SLC22A3: variants seen among roughly 807,000 people sequenced by gnomAD.
SLC22A3 encodes EMT organic cation transporter 3.
A neutral mutation model predicts 59.1 loss-of-function variants in SLC22A3; 51 were observed. That is an observed-to-expected ratio of 0.86 (90% CI 0.69 to 1.09). The LOEUF (loss-of-function observed/expected upper bound fraction) is 1.09. SLC22A3 is among the 50% of genes least tolerant of loss of function. SLC22A3 has a pLI of 0.00. For synonymous variants in SLC22A3, 325 were observed against 292.0 expected (o/e 1.11, Z -1.15); for missense variants, 711 against 726.3 (o/e 0.98, Z 0.24).
intron 5 of SLC22A3, among the ~76,000 whole-genome samples, chr6:160,432,200 G>A (rs546928819): frequency 2.0e-5 from 3 of 152,294 alleles, no homozygotes; most frequent in East Asian, 1.9e-4. Context: ...ATTGGGTCAC[G>A]TGCCCAGTCA....
chr6:160,407,342 G>A, intron 3 of SLC22A3, 147 bp downstream of exon 3: 1 of 817,736 alleles, frequency 1.2e-6, no homozygotes. Context: ...GCAGATGGGA[G>A]AGCTCAGAGG....
At chr6:160,383,551 T>C (rs1785876241) in intron 1 of SLC22A3, among the ~76,000 whole-genome samples, 1 of 152,184 alleles carries the variant, frequency 6.6e-6, no homozygotes, top group Non-Finnish European at 1.5e-5. Flanking sequence ...TTCTTTTTTT[T>C]TCCAAAGTGA....
Position 160,436,825 on chromosome 6 carries a change from C to G in SLC22A3, c.1021C>G (p.Leu341Val). The change falls in exon 6 of 11, where the codon CTG (leucine) becomes GTG (valine). Residue 341 changes from leucine (L) to valine (V), a missense_variant. Physicochemically the swap from Leu to Val is conservative, Grantham distance 32. Transcript: ENST00000275300. The stretch of plus-strand genomic sequence containing the variant: ...AGTTAGTAATCCATCCTTTTTAGAT[C>G]TGGTGAGAACTCCCCAAATGAGGAA... Reference protein sequence around the residue: ...EEVSNPSFLDLVRTPQMRKCT... With the variant: ...EEVSNPSFLDVVRTPQMRKCT... 6.2e-7 allele frequency: 1 copy of G among 1,613,406 alleles called. No individual in the cohort carries two copies. The highest frequency in any genetic ancestry group is 8.5e-7 in the Non-Finnish European group (1 of 1,179,690).
intron 1 of SLC22A3, among the ~76,000 whole-genome samples, chr6:160,369,724 A>C (rs1446169237): frequency 1.3e-5 from 2 of 152,256 alleles, no homozygotes; most frequent in Admixed American, 1.3e-4. Context: ...TTTGCAGAGA[A>C]ATAAGCCATT....
intron 5 of SLC22A3, among the ~76,000 whole-genome samples, chr6:160,431,369 G>C (rs1191642451): frequency 6.6e-6 from 1 of 152,168 alleles, no homozygotes; most frequent in African/African-American, 2.4e-5. Context: ...CAAGGCCTTT[G>C]GATGCCTAGA....
chr6:160,369,112 A>G (rs1173501397), intron 1 of SLC22A3, among the ~76,000 whole-genome samples: 1 of 152,230 alleles, frequency 6.6e-6, no homozygotes, highest in East Asian at 1.9e-4. Flanking sequence ...GCCTACTTGA[A>G]CAGTAGATAC....
intron 7 of SLC22A3, among the ~76,000 whole-genome samples, chr6:160,441,765 G>T (rs1010805787): frequency 6.6e-6 from 1 of 152,130 alleles, no homozygotes; most frequent in African/African-American, 2.4e-5. Context: ...GGACTATTTA[G>T]TGCTAAATGA....
At position 160,407,070 on chromosome 6, in the gene SLC22A3, C is replaced by T; in HGVS notation, c.563C>T (p.Ser188Phe). The T allele has an allele frequency of 6.2e-7, 1 of 1,613,096 alleles. No individual in the cohort carries two copies. Among genetic ancestry groups the T allele is most frequent in the Non-Finnish European group, 8.5e-7 (1 of 1,179,492 alleles). The change falls in exon 3 of 11, where the codon TCC becomes TTC. Residue 188 changes from serine to phenylalanine, a missense_variant. Physicochemically the swap from Ser to Phe is radical, Grantham distance 155 (BLOSUM62 -2). Transcript: ENST00000275300. ...RYGRIVIYLL[S>F]CLGVGVTGVV... The stretch of plus-strand genomic sequence containing the variant: ...GGCAGGATCGTCATTTACTTGCTAT[C>T]CTGCCTTGGTGTTGGCGTCACTGGG...
At chr6:160,362,358 C>T (rs1197402802) in intron 1 of SLC22A3, among the ~76,000 whole-genome samples, 2 of 152,234 alleles carry the variant, frequency 1.3e-5, no homozygotes, top group African/African-American at 2.4e-5. Context: ...TCAAGGAGCA[C>T]TTCAGCTTCC....
intron 5 of SLC22A3, among the ~76,000 whole-genome samples, chr6:160,418,763 T>C (rs1787610832): frequency 6.6e-6 from 1 of 152,198 alleles, no homozygotes; most frequent in Non-Finnish European, 1.5e-5. Context: ...GTATGGGATA[T>C]ACTCATAGAG....
intron 1 of SLC22A3, among the ~76,000 whole-genome samples, chr6:160,362,875 C>G (rs540550651): frequency 6.6e-6 from 1 of 152,236 alleles, no homozygotes; most frequent in Non-Finnish European, 1.5e-5. Flanking sequence ...TCCAACAGGG[C>G]TGGGCCGCGG....
chr6:160,363,493 T>A (rs1455683582), intron 1 of SLC22A3, among the ~76,000 whole-genome samples: 1 of 152,130 alleles, frequency 6.6e-6, no homozygotes, highest in Non-Finnish European at 1.5e-5. Context: ...TTGTCACCCC[T>A]GGCAGGCGTG....
intron 1 of SLC22A3, among the ~76,000 whole-genome samples, chr6:160,397,337 C>T (rs562715494): frequency 2.0e-5 from 3 of 152,130 alleles, no homozygotes; most frequent in African/African-American, 7.2e-5. Context: ...TCGTGGCCCA[C>T]TACTGCTCAC....
chr6:160,379,801 G>A (rs1164951783), intron 1 of SLC22A3, among the ~76,000 whole-genome samples: 1 of 152,162 alleles, frequency 6.6e-6, no homozygotes, highest in African/African-American at 2.4e-5. Flanking sequence ...TATATATGCT[G>A]ACTATGTCAC....
intron 1 of SLC22A3, among the ~76,000 whole-genome samples, chr6:160,383,905 T>TATTC (rs759421167): frequency 1.6e-4 from 25 of 152,208 alleles, no homozygotes; most frequent in Non-Finnish European, 3.4e-4. Flanking sequence ...TATGGAAGGA[T>TATTC]ATTCATAGGT....
Position 160,415,819 on chromosome 6 carries a change from C to T in SLC22A3, c.975+4973C>T, listed in dbSNP as rs1451757344. On this transcript the variant is annotated intron_variant, in intron 5 of 10. Coordinates refer to ENST00000275300, the MANE Select transcript of SLC22A3 (RefSeq NM_021977.4). The surrounding 1 kb of genome is among the most constrained non-coding windows in gnomAD (Gnocchi z 4.1). Reference sequence around the variant, plus strand: ...ACCACCTGCCAACCCCAGCCTGTTCCATTGCTGACATCAGAGGATCAGGTA... The same window carrying T: ...ACCACCTGCCAACCCCAGCCTGTTCTATTGCTGACATCAGAGGATCAGGTA... Among the ~76,000 whole-genome samples, 16 of 152,170 alleles carry T rather than the reference C, an allele frequency of 1.1e-4. No individual in the cohort carries two copies. Among genetic ancestry groups the T allele is most frequent in the Admixed American group, 1.0e-3 (16 of 15,280 alleles).
At chr6:160,431,607 T>C (rs1482737334) in intron 5 of SLC22A3, among the ~76,000 whole-genome samples, 1 of 152,136 alleles carries the variant, frequency 6.6e-6, no homozygotes, top group Non-Finnish European at 1.5e-5. Context: ...GCAGTAAACT[T>C]GTGGTCTGGA....
intron 1 of SLC22A3, among the ~76,000 whole-genome samples, chr6:160,384,012 A>G (rs1785897421): frequency 6.6e-6 from 1 of 152,042 alleles, no homozygotes; most frequent in Non-Finnish European, 1.5e-5. Flanking sequence ...TTACTACAAC[A>G]TCTGCCTCCT....
chr6:160,366,609 AC>A (rs1377485312), intron 1 of SLC22A3, among the ~76,000 whole-genome samples: 1 of 152,104 alleles, frequency 6.6e-6, no homozygotes, highest in Non-Finnish European at 1.5e-5. Context: ...GAGGGCTCTG[AC>A]CCCACATTTC....
Sources: allele counts gnomAD v4.1 joint callset (sites outside exome capture counted in the v4.1 genomes callset), GRCh38; gene constraint gnomAD v4.1.1; non-coding constraint Gnocchi (gnomAD v3.1); transcripts MANE v1.5; gene names NCBI Gene and HGNC (gene_info 2026-07-23, HGNC 2026-07-21).